The following PTPN3 variants were observed in gnomAD, a reference collection of about 807,000 sequenced individuals.
PTPN3 encodes protein tyrosine phosphatase non-receptor type 3.
A neutral mutation model predicts 132.7 loss-of-function variants in PTPN3; 96 were observed. The observed-to-expected ratio is 0.72, with a 90% CI of 0.61 to 0.86. PTPN3 has a LOEUF of 0.86. PTPN3 is among the 40% of genes least tolerant of loss of function. The pLI is 0.00. For synonymous variants in PTPN3, 398 were observed against 429.0 expected, an observed-to-expected ratio of 0.93 and a Z score of 0.89; for missense variants, 1,125 against 1,159.6, an observed-to-expected ratio of 0.97 and a Z score of 0.43.
Position 109,454,519 on chromosome 9 carries a change from G to T in PTPN3, c.345C>A (p.Asn115Lys), listed in dbSNP as rs772476130. 1.2e-6 allele frequency: 2 copies of T among 1,613,412 alleles called. No homozygotes were observed. The highest frequency in any genetic ancestry group is 1.7e-6 in the Non-Finnish European group (2 of 1,179,868). Residue 115 changes from asparagine to lysine, a missense_variant, in exon 5 of 26, where the codon AAC becomes AAA. Coordinates refer to ENST00000374541, the MANE Select transcript of PTPN3 (RefSeq NM_002829.4). ...ACCTGGTTTGTTCTTGCTGCAGTGT[G>T]TTGGGATCAGGTATAAAAAATCTTA... ...FRVRFFIPDP[N>K]TLQQEQTRHL...
intron 18 of PTPN3, among the ~76,000 whole-genome samples, chr9:109,404,941 A>G (rs1457341216): frequency 6.6e-6 from 1 of 152,200 alleles, no homozygotes; most frequent in East Asian, 1.9e-4. Flanking sequence ...TGACCGGGTT[A>G]TTCTTCTACC....
chr9:109,509,446 A>G, the PTPN3 span, among the ~76,000 whole-genome samples: 15 of 152,316 alleles, frequency 9.8e-5, no homozygotes, highest in African/African-American at 3.4e-4. Flanking sequence ...TGCATTATCT[A>G]CTAGATTCTC....
intron 1 of PTPN3, among the ~76,000 whole-genome samples, chr9:109,466,072 C>G (rs1458076426): frequency 6.6e-6 from 1 of 152,126 alleles, no homozygotes; most frequent in East Asian, 1.9e-4. Flanking sequence ...TCATTTCACA[C>G]TTAGAACTCA....
the PTPN3 span, among the ~76,000 whole-genome samples, chr9:109,521,122 G>A: frequency 6.6e-6 from 1 of 152,152 alleles, no homozygotes; most frequent in Non-Finnish European, 1.5e-5. Flanking sequence ...CTGGAGAAAG[G>A]TTGGGGTAAA....
At chr9:109,495,799 C>A (rs988196345) in intron 1 of PTPN3, among the ~76,000 whole-genome samples, 3 of 152,200 alleles carry the variant, frequency 2.0e-5, no homozygotes, top group Non-Finnish European at 2.9e-5. Flanking sequence ...AAAGATGAAT[C>A]GAGGGGTCAG....
In PTPN3 at chr9:109,379,411, T is replaced by C. The variant is rs1360325271; in HGVS notation, c.*145A>G. 3.0e-6 allele frequency: 2 copies of C among 661,060 alleles called. No homozygotes were observed. Among genetic ancestry groups the C allele is most frequent in the Non-Finnish European group, 5.3e-6 (2 of 378,058 alleles). 40.9% of individuals were successfully genotyped at this position (661,060 alleles called of 1,614,324 possible). ...GTTCCTATGTACACGATATCTTTTCTATAGAAGTTTAAAGTGCCTGGGTTC... is the reference window on the plus strand; with the variant it reads ...GTTCCTATGTACACGATATCTTTTCCATAGAAGTTTAAAGTGCCTGGGTTC... On this transcript the variant is annotated 3_prime_UTR_variant, in exon 26 of 26. Coordinates refer to ENST00000374541, the MANE Select transcript of PTPN3 (RefSeq NM_002829.4).
At chr9:109,460,370 C>G (rs537100452) in intron 2 of PTPN3, among the ~76,000 whole-genome samples, 1 of 152,154 alleles carries the variant, frequency 6.6e-6, no homozygotes, top group Non-Finnish European at 1.5e-5. Flanking sequence ...CCACACCAGT[C>G]TTTCAGCCCC....
At chr9:109,463,628 A>G (rs1845957075) in intron 1 of PTPN3, among the ~76,000 whole-genome samples, 177 bp from the exon 2 acceptor site, 1 of 152,192 alleles carries the variant, frequency 6.6e-6, no homozygotes, top group Non-Finnish European at 1.5e-5. Flanking sequence ...GCTCTAAGCA[A>G]TATGTATTGC....
At chr9:109,488,495 G>A (rs891121220) in intron 1 of PTPN3, among the ~76,000 whole-genome samples, 5 of 152,112 alleles carry the variant, frequency 3.3e-5, no homozygotes, top group Non-Finnish European at 5.9e-5. Flanking sequence ...TCTAGGAACC[G>A]GAACATTCCT....
intron 18 of PTPN3, 99 bp downstream of exon 18, chr9:109,406,363 C>G (rs1841562823): frequency 1.4e-6 from 2 of 1,379,990 alleles, no homozygotes; most frequent in African/African-American, 2.9e-5. Context: ...CAAATGTTGG[C>G]TACAAACTCA....
intron 1 of PTPN3, among the ~76,000 whole-genome samples, chr9:109,483,703 A>G (rs1847072857): frequency 6.6e-6 from 1 of 152,172 alleles, no homozygotes; most frequent in African/African-American, 2.4e-5. Context: ...ATCAGTCTCC[A>G]TCATCACCCA....
chr9:109,455,019 T>C (rs1057505685), intron 4 of PTPN3, among the ~76,000 whole-genome samples: 10 of 152,338 alleles, frequency 6.6e-5, no homozygotes, highest in African/African-American at 2.4e-4. Flanking sequence ...CTGCTACTGG[T>C]AGCCCCATTT....
rs923295824 is a variant in PTPN3, at chr9:109,454,415, T to C, written c.368+81A>G. The C allele has an allele frequency of 1.8e-5, 22 of 1,191,060 alleles. 1 individual carries two copies. Among genetic ancestry groups the C allele is most frequent in the African/African-American group, 3.0e-5 (2 of 65,866 alleles). 73.8% of individuals were successfully genotyped at this position (1,191,060 alleles called of 1,614,324 possible). On this transcript the variant is annotated intron_variant, in intron 5 of 25. Transcript: ENST00000374541. Reference sequence around the variant, plus strand: ...ACACCCAAATGAAGTTATTTGGCCATAGTAATAAAATGAAGAGTACATTTT... The same window carrying C: ...ACACCCAAATGAAGTTATTTGGCCACAGTAATAAAATGAAGAGTACATTTT...
At position 109,457,299 on chromosome 9, in the gene PTPN3, T is replaced by C. The variant is rs1443884202; in HGVS notation, c.239A>G (p.Asp80Gly). The C allele has an allele frequency of 6.2e-7, 1 of 1,613,616 alleles. No individual in the cohort carries two copies. Among genetic ancestry groups the C allele is most frequent in the Non-Finnish European group, 8.5e-7 (1 of 1,179,720 alleles). ...FGLQHDDDSV[D>G]SPRWLEASKA... ...TTTAAAAATGGCACTTACAGGAGAG[T>C]CCACGGAGTCGTCATCATGCTGTAA... Residue 80 changes from aspartate to glycine, a missense_variant, in exon 3 of 26, where the codon GAC becomes GGC. Asp to Gly is a moderately conservative substitution (Grantham distance 94). Transcript: ENST00000374541.
chr9:109,452,535 T>C (rs1655229699), intron 5 of PTPN3, among the ~76,000 whole-genome samples: 1 of 151,852 alleles, frequency 6.6e-6, no homozygotes, highest in African/African-American at 2.4e-5. Context: ...CACACACATA[T>C]TATGTTGTTT....
intron 19 of PTPN3, among the ~76,000 whole-genome samples, chr9:109,402,830 G>C (rs186614772): frequency 2.6e-5 from 4 of 152,130 alleles, no homozygotes; most frequent in Non-Finnish European, 4.4e-5. Context: ...TAGCACTTTG[G>C]GGGGCTGAGG....
intron 1 of PTPN3, among the ~76,000 whole-genome samples, chr9:109,477,086 G>T (rs1469280954): frequency 6.6e-6 from 1 of 151,958 alleles, no homozygotes; most frequent in Non-Finnish European, 1.5e-5. Flanking sequence ...ATGATCCCAA[G>T]CTCAGGTGGG....
intron 9 of PTPN3, among the ~76,000 whole-genome samples, chr9:109,434,524 T>G (rs1843888534): frequency 6.6e-6 from 1 of 152,224 alleles, no homozygotes; most frequent in Non-Finnish European, 1.5e-5. Context: ...CCTAGGCTGG[T>G]CTTGAACTCC....
chr9:109,529,721 A>G, the PTPN3 span, among the ~76,000 whole-genome samples: 5 of 152,224 alleles, frequency 3.3e-5, no homozygotes, highest in Non-Finnish European at 7.3e-5. Flanking sequence ...TGTCAAGCGC[A>G]TTCACATTGT....
Sources: allele counts gnomAD v4.1 joint callset (sites outside exome capture counted in the v4.1 genomes callset), GRCh38; gene constraint gnomAD v4.1.1; transcripts MANE v1.5; gene names NCBI Gene and HGNC (gene_info 2026-07-23, HGNC 2026-07-21).